The following LINGO2 variants were observed in gnomAD, a reference collection of about 807,000 sequenced individuals.
LINGO2 encodes the protein leucine rich repeat and Ig domain containing 2, also known as leucine-rich repeat and immunoglobulin-like domain-containing nogo receptor-interacting protein 2.
Under a neutral mutation model 30.6 loss-of-function variants are expected in LINGO2, and 14 were observed. The observed-to-expected ratio is 0.46, with a 90% CI of 0.30 to 0.72. The LOEUF (loss-of-function observed/expected upper bound fraction) is 0.72. Among genes scored for constraint, LINGO2 ranks in the 30% least tolerant of loss-of-function variants. LINGO2 has a pLI of 0.07. For synonymous variants in LINGO2, 317 were observed against 288.5 expected (o/e 1.10, Z -1.00); for missense variants, 729 against 751.7 (o/e 0.97, Z 0.35).
At chr9:28,495,448 C>T (rs968126985) in intron 1 of LINGO2, among the ~76,000 whole-genome samples, 4 of 152,050 alleles carry the variant, frequency 2.6e-5, no homozygotes, top group African/African-American at 9.7e-5. Context: ...TAGCCAGTTT[C>T]CCCAGCACCA....
chr9:28,819,919 T>C, the LINGO2 span, among the ~76,000 whole-genome samples: 1 of 152,142 alleles, frequency 6.6e-6, no homozygotes, highest in Admixed American at 6.5e-5. Flanking sequence ...ATATATAACC[T>C]GCCCACCCAC....
At chr9:28,709,077 A>G in the LINGO2 span, among the ~76,000 whole-genome samples, 1 of 152,090 alleles carries the variant, frequency 6.6e-6, no homozygotes, top group East Asian at 1.9e-4. Flanking sequence ...AGTCTGATGG[A>G]TGTTCTGCAG....
intron 4 of LINGO2, among the ~76,000 whole-genome samples, chr9:28,087,019 G>A (rs572394264): frequency 1.1e-4 from 17 of 152,190 alleles, no homozygotes; most frequent in Middle Eastern, 3.4e-3. Context: ...TTCAAGCCCA[G>A]GCTTCACATG....
At chr9:28,178,520 T>A (rs1179528310) in intron 4 of LINGO2, among the ~76,000 whole-genome samples, 2 of 152,138 alleles carry the variant, frequency 1.3e-5, no homozygotes, top group Non-Finnish European at 1.5e-5. Flanking sequence ...AGCATTAATA[T>A]TCATTACAAA....
At chr9:28,788,155 AT>A in the LINGO2 span, among the ~76,000 whole-genome samples, 1 of 152,212 alleles carries the variant, frequency 6.6e-6, no homozygotes, top group African/African-American at 2.4e-5. Flanking sequence ...TTTCCTTAAG[AT>A]TGAATTTTTC....
At chr9:29,054,996 A>G in the LINGO2 span, among the ~76,000 whole-genome samples, 1 of 152,152 alleles carries the variant, frequency 6.6e-6, no homozygotes, top group African/African-American at 2.4e-5. Context: ...AGGCAGGTGG[A>G]TCACCTGAGG....
chr9:28,428,515 A>G (rs1823510319), intron 2 of LINGO2, among the ~76,000 whole-genome samples: 1 of 152,140 alleles, frequency 6.6e-6, no homozygotes, highest in Admixed American at 6.6e-5. Flanking sequence ...TTAATTGCTG[A>G]GAAAGTCATC....
chr9:28,669,656 G>T (rs569355323), intron 1 of LINGO2, among the ~76,000 whole-genome samples: 3 of 152,110 alleles, frequency 2.0e-5, no homozygotes, highest in African/African-American at 7.2e-5. Context: ...AGAAAAGGAA[G>T]TCACTCCCAT....
At chr9:28,942,593 C>T in the LINGO2 span, among the ~76,000 whole-genome samples, 1 of 152,180 alleles carries the variant, frequency 6.6e-6, no homozygotes, top group Admixed American at 6.5e-5. Flanking sequence ...TCAATTTCAG[C>T]TGAAGTACGA....
rs566300788 is a variant in LINGO2, at chr9:28,550,277, G to A, written c.-364-74252C>T. ...ATCTTTTCATTCTCTCATTTTATGTGCTATGTTGCTTAACTTCTCATATGT... is the reference window on the plus strand; with the variant it reads ...ATCTTTTCATTCTCTCATTTTATGTACTATGTTGCTTAACTTCTCATATGT... On this transcript the variant is annotated intron_variant, in intron 1 of 5. Transcript: ENST00000379992. Among the ~76,000 whole-genome samples the A allele has an allele frequency of 1.1e-4, 16 of 151,618 alleles. No homozygotes were observed. The East Asian group carries it at 3.1e-3, about 29-fold the overall frequency.
chr9:28,440,308 A>G (rs528111827), intron 2 of LINGO2, among the ~76,000 whole-genome samples: 1 of 152,338 alleles, frequency 6.6e-6, no homozygotes, highest in East Asian at 1.9e-4. Flanking sequence ...AGTCAAATGT[A>G]TATAAAAAGG....
the LINGO2 span, among the ~76,000 whole-genome samples, chr9:28,748,173 A>G: frequency 1.3e-5 from 2 of 152,136 alleles, no homozygotes; most frequent in African/African-American, 4.8e-5. Flanking sequence ...AATATCTCCA[A>G]TGCTACTTCA....
intron 4 of LINGO2, among the ~76,000 whole-genome samples, chr9:28,270,543 A>G (rs1377504832): frequency 6.6e-6 from 1 of 152,114 alleles, no homozygotes; most frequent in South Asian, 2.1e-4. Flanking sequence ...TTTTCAAAAT[A>G]AGGAACAAAT....
the LINGO2 span, among the ~76,000 whole-genome samples, chr9:28,991,544 A>G: frequency 1.6e-5 from 2 of 127,168 alleles, no homozygotes; most frequent in Non-Finnish European, 3.3e-5. Flanking sequence ...GAGAAGAGCA[A>G]CTCCAAGACA....
At chr9:28,756,958 T>G in the LINGO2 span, among the ~76,000 whole-genome samples, 1 of 152,060 alleles carries the variant, frequency 6.6e-6, no homozygotes, top group African/African-American at 2.4e-5. Flanking sequence ...AAGTGAGATA[T>G]CTCATAAATG....
the LINGO2 span, among the ~76,000 whole-genome samples, chr9:28,873,133 C>G: frequency 6.6e-6 from 1 of 151,904 alleles, no homozygotes; most frequent in Non-Finnish European, 1.5e-5. Context: ...CTTTGGGAGG[C>G]CGAGGTGGGC....
the LINGO2 span, among the ~76,000 whole-genome samples, chr9:29,122,710 G>A: frequency 2.6e-5 from 4 of 152,024 alleles, no homozygotes; most frequent in African/African-American, 7.2e-5. Context: ...TTGGAAATAA[G>A]TAATAAGATA....
At chr9:29,015,267 A>G in the LINGO2 span, among the ~76,000 whole-genome samples, 1 of 152,180 alleles carries the variant, frequency 6.6e-6, no homozygotes, top group Admixed American at 6.6e-5. Context: ...TATGCACATA[A>G]CAAAATTGCA....
intron 2 of LINGO2, among the ~76,000 whole-genome samples, chr9:28,463,112 A>C (rs747723457): frequency 1.3e-5 from 2 of 151,160 alleles, no homozygotes; most frequent in Non-Finnish European, 3.0e-5. Context: ...TTTTTTTCCT[A>C]TCAAAAGTTT....
Sources: allele counts gnomAD v4.1 joint callset (sites outside exome capture counted in the v4.1 genomes callset), GRCh38; gene constraint gnomAD v4.1.1; transcripts MANE v1.5; gene names NCBI Gene and HGNC (gene_info 2026-07-23, HGNC 2026-07-21).